The following GLS2 variants were observed in gnomAD, a reference collection of about 807,000 sequenced individuals.
GLS2 encodes glutaminase 2.
In GLS2, 52 loss-of-function variants were observed where a neutral mutation model predicts 79.0. That is an observed-to-expected ratio of 0.66 (90% CI 0.53 to 0.83). The LOEUF is 0.83. Ranked by LOEUF, GLS2 falls within the 40% of genes least tolerant of loss-of-function variation. The pLI, the probability that GLS2 is intolerant of heterozygous loss-of-function variation, is 0.00. For missense variants in GLS2, 561 were observed against 764.8 expected (o/e 0.73, Z 3.14); for synonymous variants, 238 against 280.8 (o/e 0.85, Z 1.52).
In GLS2 at chr12:56,471,380, G is replaced by C; in HGVS notation, c.*107C>G. 1 of 1,203,976 alleles carries C rather than the reference G, an allele frequency of 8.3e-7. No homozygotes were observed. The highest frequency in any genetic ancestry group is 2.7e-5 in the Admixed American group (1 of 37,284). The allele number at this position is 1,203,976 out of a possible 1,614,324, so 74.6% of individuals were successfully genotyped here. The stretch of plus-strand genomic sequence containing the variant: ...GCCTAAGTCACCAAATGACTGCTTG[G>C]TCCCCACTGAAGCAGTGTAGCTCTC... On this transcript the variant is annotated 3_prime_UTR_variant, in exon 18 of 18. Transcript: ENST00000311966.
At chr12:56,479,618 G>T in intron 3 of GLS2, 162 bp downstream of exon 3, 1 of 817,032 alleles carries the variant, frequency 1.2e-6, no homozygotes, top group Non-Finnish European at 1.7e-6. Context: ...TTTCTATATT[G>T]TTTGAACTCT....
At chr12:56,481,182 T>C (rs942935420) in intron 1 of GLS2, among the ~76,000 whole-genome samples, 1 of 146,786 alleles carries the variant, frequency 6.8e-6, no homozygotes, top group African/African-American at 2.5e-5. Flanking sequence ...ATCCACCTTC[T>C]AAAATGTGCC....
At chr12:56,472,046 A>T (rs1869325284) in intron 16 of GLS2, 73 bp downstream of exon 16, 6 of 1,524,186 alleles carry the variant, frequency 3.9e-6, no homozygotes, top group South Asian at 3.4e-5. Flanking sequence ...GGCACATATA[A>T]TGAAGGTACT....
At chr12:56,475,534 A>G (rs1869728163) in intron 9 of GLS2, 90 bp downstream of exon 9, 1 of 1,353,482 alleles carries the variant, frequency 7.4e-7, no homozygotes, top group East Asian at 2.3e-5. Flanking sequence ...TCCTCCTAAG[A>G]TTCTCTCTCC....
chr12:56,477,598 G>A, intron 7 of GLS2, 62 bp downstream of exon 7: 1 of 1,505,228 alleles, frequency 6.6e-7, no homozygotes, highest in Non-Finnish European at 9.1e-7. Context: ...ACAAATATGA[G>A]GGATACAGGA....
chr12:56,473,691 G>T (rs1592273557), intron 12 of GLS2, 97 bp from the exon 13 acceptor site: 3 of 1,433,640 alleles, frequency 2.1e-6, no homozygotes, highest in East Asian at 2.4e-5. Context: ...ACAAATGACT[G>T]CATGACCACA....
chr12:56,472,102 CCTT>C lies in GLS2; in HGVS notation c.1588+14_1588+16del. ...CTTATGATTACCCTCCTCCTCCCCT[CCTT>C]AACCCTTCAGTACCTTCAGCTGCAG... On this transcript the variant is annotated intron_variant, in intron 16 of 17. Transcript: ENST00000311966. The C allele has an allele frequency of 4.3e-6, 7 of 1,613,566 alleles. No individual in the cohort carries two copies. The highest frequency in any genetic ancestry group is 4.2e-6 in the Non-Finnish European group (5 of 1,179,520).
chr12:56,481,199 CTTTTTTTTTTTT>C lies in GLS2; in HGVS notation c.183-824_183-813del, dbSNP rs767616017. The stretch of plus-strand genomic sequence containing the variant: ...CCACCTTCTAAAATGTGCCAGTGAT[CTTTTTTTTTTTT>C]TTTTTTTTTTTTGAGACGGAGTCTG... On this transcript the variant is annotated intron_variant, in intron 1 of 17. Transcript: ENST00000311966. Among the ~76,000 whole-genome samples the C allele has an allele frequency of 2.0e-3, 161 of 79,026 alleles. 1 individual carries two copies. The highest frequency in any genetic ancestry group is 7.2e-3 in the African/African-American group (153 of 21,292). 51.8% of individuals were successfully genotyped at this position (79,026 alleles called of 152,430 possible).
At chr12:56,479,981 C>A in intron 2 of GLS2, 80 bp from the exon 3 acceptor site, 1 of 1,540,078 alleles carries the variant, frequency 6.5e-7, no homozygotes. Context: ...ACTGGATACC[C>A]AATTAGCTGA....
At chr12:56,485,807 C>T (rs186671870) in intron 1 of GLS2, among the ~76,000 whole-genome samples, 1 of 151,698 alleles carries the variant, frequency 6.6e-6, no homozygotes, top group African/African-American at 2.4e-5. Context: ...TTTGGGAGGC[C>T]GAGGCAGGTG....
intron 2 of GLS2, 152 bp from the exon 3 acceptor site, chr12:56,480,053 G>T: frequency 9.0e-7 from 1 of 1,105,668 alleles, no homozygotes; most frequent in Non-Finnish European, 1.3e-6. Context: ...AGGGGATGGA[G>T]TAGCTCTGAA....
intron 1 of GLS2, 57 bp downstream of exon 1, chr12:56,487,880 A>G (rs1870816770): frequency 6.4e-7 from 1 of 1,550,492 alleles, no homozygotes; most frequent in Non-Finnish European, 8.6e-7. Flanking sequence ...GGAACTAGCG[A>G]GAACCACAGT....
intron 1 of GLS2, among the ~76,000 whole-genome samples, chr12:56,486,080 T>G (rs1162677608): frequency 6.7e-6 from 1 of 149,532 alleles, no homozygotes; most frequent in Non-Finnish European, 1.5e-5. Flanking sequence ...AACAATAACC[T>G]GAATAACAGC....
intron 1 of GLS2, among the ~76,000 whole-genome samples, chr12:56,485,537 T>A (rs1170250585): frequency 6.6e-6 from 1 of 152,086 alleles, no homozygotes; most frequent in African/African-American, 2.4e-5. Flanking sequence ...AGTGCTGGGA[T>A]TACAGGTGTG....
At chr12:56,472,941 G>A (rs1592272646) in intron 14 of GLS2, 190 bp from the exon 15 acceptor site, 1 of 557,162 alleles carries the variant, frequency 1.8e-6, no homozygotes, top group African/African-American at 2.0e-5. Context: ...AGGCTGAAGT[G>A]TAGTGGCGCG....
chr12:56,480,218 A>G (rs980726391), intron 2 of GLS2, 70 bp downstream of exon 2: 4 of 1,364,450 alleles, frequency 2.9e-6, no homozygotes, highest in Non-Finnish European at 4.1e-6. Flanking sequence ...TGCACTTGTC[A>G]TACCCTCCTT....
chr12:56,475,791 C>T (rs1205851240), intron 8 of GLS2, 109 bp from the exon 9 acceptor site: 1 of 1,381,722 alleles, frequency 7.2e-7, no homozygotes, highest in Non-Finnish European at 1.0e-6. Context: ...AGGCTTTCCT[C>T]TCTGAGGCCA....
chr12:56,471,408 T>G lies in GLS2; in HGVS notation c.*79A>C. ...CCCACTGAAGCAGTGTAGCTCTCCA[T>G]AGTATTTTTGGTGGTTATGGATTAC... On this transcript the variant is annotated 3_prime_UTR_variant, in exon 18 of 18. Coordinates refer to ENST00000311966, the MANE Select transcript of GLS2 (RefSeq NM_013267.4). The G allele has an allele frequency of 2.8e-6, 4 of 1,432,714 alleles. No homozygotes were observed. Among genetic ancestry groups the G allele is most frequent in the Non-Finnish European group, 3.8e-6 (4 of 1,058,788 alleles). The allele number at this position is 1,432,714 out of a possible 1,614,324, so 88.8% of individuals were successfully genotyped here.
intron 1 of GLS2, among the ~76,000 whole-genome samples, chr12:56,485,203 T>C (rs1052465052): frequency 2.0e-5 from 3 of 152,174 alleles, no homozygotes; most frequent in African/African-American, 7.2e-5. Flanking sequence ...ATCACAATAT[T>C]AATTGGTTAT....
Sources: gnomAD v4.1 joint callset for allele counts (sites outside exome capture counted in the v4.1 genomes callset) on GRCh38, gnomAD v4.1.1 for gene constraint, MANE v1.5 for transcripts, NCBI Gene and HGNC (gene_info 2026-07-23, HGNC 2026-07-21) for gene names.